Variants in ALDH6A1 observed in about 807,000 individuals in gnomAD.
ALDH6A1 encodes methylmalonate-semialdehyde/malonate-semialdehyde dehydrogenase [acylating], mitochondrial.
ALDH6A1 carries 43 observed loss-of-function variants against 62.6 expected under a neutral mutation model. The observed-to-expected ratio is 0.69, with a 90% CI of 0.54 to 0.89. The LOEUF (loss-of-function observed/expected upper bound fraction) is 0.89, where lower values mean the gene tolerates loss of function less well. ALDH6A1 is among the 40% of genes least tolerant of loss of function. ALDH6A1 has a pLI of 0.00. For synonymous variants in ALDH6A1, 194 were observed against 234.2 expected (o/e 0.83, Z 1.57); for missense variants, 551 against 661.3 (o/e 0.83, Z 1.83).
chr14:74,067,700 GA>G, intron 7 of ALDH6A1, 131 bp from the exon 8 acceptor site: 1 of 959,770 alleles, frequency 1.0e-6, no homozygotes, highest in Admixed American at 2.0e-5. Context: ...AGGTGAGAAG[GA>G]TAACTTGAGG....
At chr14:74,079,456 CA>C (rs1317360396) in intron 1 of ALDH6A1, among the ~76,000 whole-genome samples, 9 of 145,560 alleles carry the variant, frequency 6.2e-5, no homozygotes, top group Admixed American at 2.8e-4. Flanking sequence ...TTTTTTGAGA[CA>C]GAGTCTCACT....
intron 6 of ALDH6A1, 80 bp downstream of exon 6, chr14:74,071,115 T>C (rs969252013): frequency 7.5e-7 from 1 of 1,329,688 alleles, no homozygotes. Context: ...AGGTTCCTTA[T>C]CCTAAAACAT....
Position 74,057,503 on chromosome 14 carries a change from A to G in ALDH6A1, c.*3139T>C. 2.9e-6 allele frequency: 4 copies of G among 1,389,720 alleles called. No homozygotes were observed. The Admixed American group carries it at 8.5e-5, about 30-fold the overall frequency. 86.1% of individuals were successfully genotyped at this position (1,389,720 alleles called of 1,614,324 possible). On this transcript the variant is annotated 3_prime_UTR_variant, in exon 12 of 12. Transcript: ENST00000553458. Reference sequence around the variant, plus strand: ...TAGAAACCTATAGGTTGCCTTTTGAAGTAAACAGCCTAGCCAAAATGTGTA... The same window carrying G: ...TAGAAACCTATAGGTTGCCTTTTGAGGTAAACAGCCTAGCCAAAATGTGTA...
intron 1 of ALDH6A1, among the ~76,000 whole-genome samples, chr14:74,079,068 A>G (rs1345195201): frequency 6.6e-6 from 1 of 151,730 alleles, no homozygotes; most frequent in Non-Finnish European, 1.5e-5. Context: ...TGGCTTAACT[A>G]TCTAGATCCT....
At chr14:74,061,764 T>G (rs1384708801) in intron 11 of ALDH6A1, among the ~76,000 whole-genome samples, 1 of 152,108 alleles carries the variant, frequency 6.6e-6, no homozygotes, top group Non-Finnish European at 1.5e-5. Flanking sequence ...GCCCAAAAAT[T>G]CAGCATATTT....
rs2060251695 is a variant in ALDH6A1, at chr14:74,057,813, TC to T, written c.*2828del. ...CATGAATATAACTGATGAGTTTTTT[TC>T]ATCTAAGAAATAAGAAACTCTGAGC... On this transcript the variant is annotated 3_prime_UTR_variant, in exon 12 of 12. Coordinates refer to ENST00000553458, the MANE Select transcript of ALDH6A1 (RefSeq NM_005589.4). 9.7e-7 allele frequency: 1 copy of T among 1,033,434 alleles called. No individual in the cohort carries two copies. Among genetic ancestry groups the T allele is most frequent in the Non-Finnish European group, 1.2e-6 (1 of 858,344 alleles). 64.0% of individuals were successfully genotyped at this position (1,033,434 alleles called of 1,614,324 possible). A position where few individuals can be genotyped will look rare whatever the true frequency, so the allele number is the denominator to read the frequency against.
At chr14:74,075,202 C>A (rs2060599094) in intron 1 of ALDH6A1, among the ~76,000 whole-genome samples, 185 bp from the exon 2 acceptor site, 1 of 151,910 alleles carries the variant, frequency 6.6e-6, no homozygotes, top group South Asian at 2.1e-4. Flanking sequence ...AACAATAAAC[C>A]ATAATAATCA....
chr14:74,074,242 G>A (rs902682569), intron 2 of ALDH6A1, among the ~76,000 whole-genome samples: 2 of 151,474 alleles, frequency 1.3e-5, no homozygotes, highest in East Asian at 3.9e-4. Context: ...CTCCCAAAGT[G>A]CTGGGATTAC....
chr14:74,072,641 A>G (rs1216775289), intron 2 of ALDH6A1, 30 bp from the exon 3 acceptor site: 7 of 1,609,468 alleles, frequency 4.3e-6, no homozygotes, highest in Admixed American at 1.7e-5. Flanking sequence ...AAACAAACAA[A>G]CAAAAACATG....
At chr14:74,069,688 G>A (rs2060522348) in intron 6 of ALDH6A1, among the ~76,000 whole-genome samples, 1 of 151,928 alleles carries the variant, frequency 6.6e-6, no homozygotes, top group Admixed American at 6.6e-5. Context: ...GGGAGGCAGA[G>A]GTTGCAGCGA....
chr14:74,078,263 A>G lies in ALDH6A1; in HGVS notation c.49-3246T>C, dbSNP rs542586485. On this transcript the variant is annotated intron_variant, in intron 1 of 11. Coordinates refer to ENST00000553458, the MANE Select transcript of ALDH6A1 (RefSeq NM_005589.4). The stretch of plus-strand genomic sequence containing the variant: ...TAGCAAACCTACAAAACTGAACTCA[A>G]CCTAATGGAGAAGGTAGCCAGCAAG... The G allele has an allele frequency of 9.4e-5, 43 of 455,980 alleles. No homozygotes were observed. In the East Asian group the frequency reaches 2.2e-3, roughly 24 times the overall value. 28.2% of individuals were successfully genotyped at this position (455,980 alleles called of 1,614,324 possible). A position where few individuals can be genotyped will look rare whatever the true frequency, so the allele number is the denominator to read the frequency against.
intron 1 of ALDH6A1, among the ~76,000 whole-genome samples, chr14:74,076,520 C>G (rs1335813314): frequency 1.3e-5 from 2 of 151,902 alleles, no homozygotes; most frequent in Non-Finnish European, 2.9e-5. Flanking sequence ...TGCCACCACG[C>G]CCAGCTAATT....
intron 1 of ALDH6A1, chr14:74,078,217 G>A (rs1173578620): frequency 2.2e-6 from 1 of 455,892 alleles, no homozygotes; most frequent in African/African-American, 2.0e-5. Flanking sequence ...ACCATCAGAT[G>A]AGAACTTCTC....
At chr14:74,069,832 T>G (rs187121161) in intron 6 of ALDH6A1, among the ~76,000 whole-genome samples, 54 of 151,642 alleles carry the variant, frequency 3.6e-4, no homozygotes, top group African/African-American at 1.0e-3. Context: ...ATTCCAGAAT[T>G]TCTACTTCTA....
rs2060290604 is a variant in ALDH6A1 at position 74,059,458 on chromosome 14, G to C, written c.*1184C>G. On this transcript the variant is annotated 3_prime_UTR_variant, in exon 12 of 12. Transcript: ENST00000553458. ...TGCCTGTAATCCCAGCACTTTGGGA[G>C]GCCGAGGCAGGCGGATCACCTGAGG... 1 of 449,318 alleles carries C rather than the reference G, an allele frequency of 2.2e-6. No individual in the cohort carries two copies. The highest frequency in any genetic ancestry group is 4.5e-6 in the Non-Finnish European group (1 of 224,204). 27.8% of individuals were successfully genotyped at this position (449,318 alleles called of 1,614,324 possible).
chr14:74,082,855 T>C (rs1198914035), intron 1 of ALDH6A1: 3 of 152,190 alleles, frequency 2.0e-5, no homozygotes, highest in African/African-American at 4.8e-5. Context: ...TAAAAGTACA[T>C]GGAAAGAGAG....
In ALDH6A1 at chr14:74,059,272, G is replaced by A. The variant is rs536188704; in HGVS notation, c.*1370C>T. On this transcript the variant is annotated 3_prime_UTR_variant, in exon 12 of 12. Coordinates refer to ENST00000553458, the MANE Select transcript of ALDH6A1 (RefSeq NM_005589.4). The stretch of plus-strand genomic sequence containing the variant: ...AATTAGAAATACAGGCAAGAGAAAA[G>A]AATATATAAAATTTGGCAAGTAATA... 1 of 395,100 alleles carries A rather than the reference G, an allele frequency of 2.5e-6. No homozygotes were observed. Among genetic ancestry groups the A allele is most frequent in the Admixed American group, 3.0e-5 (1 of 33,684 alleles). 24.5% of individuals were successfully genotyped at this position (395,100 alleles called of 1,614,324 possible).
chr14:74,061,001 G>A (rs570778012), intron 11 of ALDH6A1, among the ~76,000 whole-genome samples: 17 of 152,024 alleles, frequency 1.1e-4, no homozygotes, highest in Non-Finnish European at 2.5e-4. Flanking sequence ...TGTTTGAGAT[G>A]GAGTCTTGCT....
intron 6 of ALDH6A1, among the ~76,000 whole-genome samples, chr14:74,069,430 T>C (rs1010842068): frequency 6.6e-6 from 1 of 151,946 alleles, no homozygotes; most frequent in African/African-American, 2.4e-5. Context: ...ATTCTCATTG[T>C]GAAGTTCTCT....
Sources: gnomAD v4.1 joint callset for allele counts (sites outside exome capture counted in the v4.1 genomes callset) on GRCh38, gnomAD v4.1.1 for gene constraint, MANE v1.5 for transcripts, NCBI Gene and HGNC (gene_info 2026-07-23, HGNC 2026-07-21) for gene names.